The following TNFRSF9 variants were observed in gnomAD, a reference collection of about 807,000 sequenced individuals.
The protein encoded by TNFRSF9 is TNF receptor superfamily member 9, also known as tumor necrosis factor receptor superfamily member 9.
In TNFRSF9, 16 loss-of-function variants were observed where a neutral mutation model predicts 28.8. The ratio of observed to expected loss-of-function variants is 0.55; its 90% confidence interval spans 0.38 to 0.84. TNFRSF9 has a LOEUF of 0.84. Among genes scored for constraint, TNFRSF9 ranks in the 40% least tolerant of loss-of-function variants. The pLI, the probability that TNFRSF9 is intolerant of heterozygous loss-of-function variation, is 0.00. For synonymous variants in TNFRSF9, 131 were observed against 117.0 expected (o/e 1.12, Z -0.77); for missense variants, 303 against 315.0 (o/e 0.96, Z 0.29).
At chr1:7,933,743 G>A (rs1639771101) in intron 6 of TNFRSF9, among the ~76,000 whole-genome samples, 1 of 151,766 alleles carries the variant, frequency 6.6e-6, no homozygotes, top group Non-Finnish European at 1.5e-5. Flanking sequence ...ATGGCAGGGA[G>A]CGGTGGCTCA....
chr1:7,929,981 T>TG (rs923325153), intron 7 of TNFRSF9, among the ~76,000 whole-genome samples: 5 of 150,800 alleles, frequency 3.3e-5, no homozygotes, highest in Admixed American at 1.3e-4. Context: ...TTTTTTTTTT[T>TG]TTTTTGAGAC....
intron 3 of TNFRSF9, 55 bp downstream of exon 3, chr1:7,938,666 A>G (rs1238324823): frequency 3.5e-6 from 5 of 1,414,156 alleles, no homozygotes; most frequent in Admixed American, 4.0e-5. Context: ...ATGGGAAAGA[A>G]AAGCTTATCT....
In TNFRSF9 at chr1:7,934,712, C is replaced by CAA. The variant is rs77886319; in HGVS notation, c.544+299_544+300dup. Among the ~76,000 whole-genome samples the CAA allele has an allele frequency of 8.0e-5, 12 of 149,682 alleles. No homozygotes were observed. In the East Asian group the frequency reaches 1.6e-3, roughly 20 times the overall value. ...ACAGAGCAAGACACTCTCTTAAAAA[C>CAA]AAAAAAAAAGAAAAGAAAAGAAAAG... On this transcript the variant is annotated intron_variant, in intron 6 of 7. Transcript: ENST00000377507.
intron 6 of TNFRSF9, among the ~76,000 whole-genome samples, chr1:7,934,106 C>T (rs561537019): frequency 5.3e-5 from 8 of 151,822 alleles, no homozygotes; most frequent in South Asian, 2.1e-4. Flanking sequence ...CCAGGCGTGG[C>T]GGCTTATGCC....
rs911085281 is a variant in TNFRSF9, at chr1:7,919,658, T to C, written c.*1177A>G. The C allele has an allele frequency of 6.6e-6, 1 of 152,132 alleles. No homozygotes were observed. The highest frequency in any genetic ancestry group is 2.4e-5 in the African/African-American group (1 of 41,398). The allele number at this position is 152,132 out of a possible 1,614,324, so 9.4% of individuals were successfully genotyped here. On this transcript the variant is annotated 3_prime_UTR_variant, in exon 8 of 8. Coordinates refer to ENST00000377507, the MANE Select transcript of TNFRSF9 (RefSeq NM_001561.6). ...AGTTTAAGGCTAAAGTGTGCTATGA[T>C]TGTGCCTGTGAATAGCCACTCCATT...
intron 7 of TNFRSF9, chr1:7,921,708 ACT>A (rs1639563573): frequency 6.6e-6 from 1 of 152,094 alleles, no homozygotes; most frequent in Non-Finnish European, 1.5e-5. Context: ...ATTTTAACAA[ACT>A]CATCCACAAG....
intron 5 of TNFRSF9, 36 bp downstream of exon 5, chr1:7,937,654 T>C (rs2151419749): frequency 3.2e-6 from 5 of 1,576,140 alleles, no homozygotes; most frequent in Non-Finnish European, 4.4e-6. Flanking sequence ...TTAACCCAGA[T>C]TCTTTATTCC....
rs9658021 is a variant in TNFRSF9 at position 7,926,699 on chromosome 1, A to G, written c.680-5776T>C. On this transcript the variant is annotated intron_variant, in intron 7 of 7. Transcript: ENST00000377507. ...TCAGTATTTATGTATAACTACAGTA[A>G]TCAAGGCTGTGTGGTATTGGCAGAA... Among the ~76,000 whole-genome samples the G allele has an allele frequency of 4.6e-3, 699 of 152,362 alleles. 6 individuals are homozygous for G. The highest frequency in any genetic ancestry group is 0.016 in the African/African-American group (656 of 41,584).
Position 7,939,884 on chromosome 1 carries a change from T to TG in TNFRSF9, c.100+10dup. On this transcript the variant is annotated intron_variant, in intron 2 of 7. Coordinates refer to ENST00000377507, the MANE Select transcript of TNFRSF9 (RefSeq NM_001561.6). ...GAGCAGATCAAATGCACATGATAACTGGGTACTCACCAGCTGGGCAGTTAC... is the reference window on the plus strand; with the variant it reads ...GAGCAGATCAAATGCACATGATAACTGGGGTACTCACCAGCTGGGCAGTTAC... The TG allele has an allele frequency of 6.3e-7, 1 of 1,587,614 alleles. No individual in the cohort carries two copies. The highest frequency in any genetic ancestry group is 1.1e-5 in the South Asian group (1 of 89,198).
At chr1:7,926,835 T>G (rs1341033474) in intron 7 of TNFRSF9, among the ~76,000 whole-genome samples, 1 of 152,208 alleles carries the variant, frequency 6.6e-6, no homozygotes, top group East Asian at 1.9e-4. Context: ...TGTTTTCCAC[T>G]AGTGGTGCTA....
intron 7 of TNFRSF9, among the ~76,000 whole-genome samples, chr1:7,930,097 G>A (rs1639711286): frequency 1.3e-5 from 2 of 151,252 alleles, no homozygotes; most frequent in African/African-American, 4.9e-5. Flanking sequence ...AGCCTCCTGA[G>A]TAGCTGGGAT....
intron 7 of TNFRSF9, among the ~76,000 whole-genome samples, chr1:7,927,446 C>G (rs1639670791): frequency 6.6e-6 from 1 of 152,144 alleles, no homozygotes; most frequent in Non-Finnish European, 1.5e-5. Flanking sequence ...CCCCCTGACC[C>G]CTTCTTCCAA....
At chr1:7,929,665 A>T (rs1165072873) in intron 7 of TNFRSF9, among the ~76,000 whole-genome samples, 2 of 152,202 alleles carry the variant, frequency 1.3e-5, no homozygotes, top group Non-Finnish European at 2.9e-5. Flanking sequence ...TGAAAGACAG[A>T]TAAGTGGTTG....
Position 7,937,595 on chromosome 1 carries a change from A to G in TNFRSF9, c.413+95T>C, listed in dbSNP as rs1009499052. 13 of 975,082 alleles carry G rather than the reference A, an allele frequency of 1.3e-5. No individual in the cohort carries two copies. The African/African-American group carries it at 1.8e-4, about 13-fold the overall frequency. 60.4% of individuals were successfully genotyped at this position (975,082 alleles called of 1,614,324 possible). A position where few individuals can be genotyped will look rare whatever the true frequency, so the allele number is the denominator to read the frequency against. ...GTATGTTACATTCTGTCTACACTTG[A>G]TGGGTGCAAAAAAGCTTCAATGATA... On this transcript the variant is annotated intron_variant, in intron 5 of 7. Coordinates refer to ENST00000377507, the MANE Select transcript of TNFRSF9 (RefSeq NM_001561.6).
At chr1:7,930,353 C>T (rs1331552826) in intron 7 of TNFRSF9, among the ~76,000 whole-genome samples, 2 of 152,082 alleles carry the variant, frequency 1.3e-5, no homozygotes, top group Non-Finnish European at 2.9e-5. Context: ...CAGGGAGTGT[C>T]CTAAAAACTT....
intron 7 of TNFRSF9, among the ~76,000 whole-genome samples, chr1:7,924,228 ATGAC>A (rs1436607595): frequency 6.7e-6 from 1 of 149,236 alleles, no homozygotes; most frequent in Non-Finnish European, 1.5e-5. Flanking sequence ...ATGACAATAA[ATGAC>A]TATGTTAGTA....
Position 7,924,294 on chromosome 1 carries a change from C to CATATGTATATATATATAT in TNFRSF9, c.680-3372_680-3371insATATATATATATACATAT, listed in dbSNP as rs1238435280. ...TTTATAGTTATTTCATAGTATATTC[C>CATATGTATATATATATAT]ATATATATATATATATATATATATA... is the stretch of plus-strand genomic sequence containing the variant. On this transcript the variant is annotated intron_variant, in intron 7 of 7. Coordinates refer to ENST00000377507, the MANE Select transcript of TNFRSF9 (RefSeq NM_001561.6). 8.5e-5 allele frequency among the ~76,000 whole-genome samples: 11 copies of CATATGTATATATATATAT among 130,018 alleles called. 1 individual carries two copies. The highest frequency in any genetic ancestry group is 3.1e-4 in the African/African-American group (11 of 35,084). The allele number at this position is 130,018 out of a possible 152,430, so 85.3% of individuals were successfully genotyped here.
In TNFRSF9 at chr1:7,917,627, A is replaced by G. The variant is rs1429974113; in HGVS notation, c.*3208T>C. 1 of 152,218 alleles carries G rather than the reference A, an allele frequency of 6.6e-6. No individual in the cohort carries two copies. Among genetic ancestry groups the G allele is most frequent in the African/African-American group, 2.4e-5 (1 of 41,464 alleles). 9.4% of individuals were successfully genotyped at this position (152,218 alleles called of 1,614,324 possible). A position where few individuals can be genotyped will look rare whatever the true frequency, so the allele number is the denominator to read the frequency against. ...CAAACCTCTTTATAGTATTGGGCAG[A>G]AAAGGATTTCTTTAGCCAGGCAAGA... On this transcript the variant is annotated 3_prime_UTR_variant, in exon 8 of 8. Coordinates refer to ENST00000377507, the MANE Select transcript of TNFRSF9 (RefSeq NM_001561.6).
intron 5 of TNFRSF9, among the ~76,000 whole-genome samples, chr1:7,937,046 C>A (rs781691335): frequency 6.6e-5 from 10 of 152,198 alleles, no homozygotes; most frequent in Non-Finnish European, 1.2e-4. Context: ...TTGTTAGTTT[C>A]TTCTGTATCA....
Sources: allele counts gnomAD v4.1 joint callset (sites outside exome capture counted in the v4.1 genomes callset), GRCh38; gene constraint gnomAD v4.1.1; transcripts MANE v1.5; gene names NCBI Gene and HGNC (gene_info 2026-07-23, HGNC 2026-07-21).